MAPDA: variants seen among roughly 807,000 people sequenced by gnomAD.
The protein encoded by MAPDA is N6,N6-dimethyl-AMP deaminase.
chr15:43,346,642 T>A, the MAPDA span, among the ~76,000 whole-genome samples: 1 of 152,230 alleles, frequency 6.6e-6, no homozygotes, highest in African/African-American at 2.4e-5. Context: ...GCCCTTCTTT[T>A]TATCCACCTG....
At chr15:43,345,633 CTG>C in the MAPDA span, among the ~76,000 whole-genome samples, 1 of 152,164 alleles carries the variant, frequency 6.6e-6, no homozygotes, top group South Asian at 2.1e-4. Context: ...CGAAAGACAA[CTG>C]TAAATCTGAA....
chr15:43,351,183 G>A, the MAPDA span: 2 of 743,654 alleles, frequency 2.7e-6, no homozygotes, highest in Non-Finnish European at 4.4e-6. Context: ...GGGTGTGGCT[G>A]AGTATGGTGG....
At chr15:43,349,159 A>T in the MAPDA span, 11 of 1,520,980 alleles carry the variant, frequency 7.2e-6, no homozygotes, top group African/African-American at 1.5e-4. Flanking sequence ...TCATCTAGCT[A>T]TTAAAAGATG....
chr15:43,349,219 T>A, the MAPDA span: 1 of 1,415,434 alleles, frequency 7.1e-7, no homozygotes, highest in East Asian at 2.6e-5. Flanking sequence ...TTAGCTTCCA[T>A]TAGAATATAA....
chr15:43,347,225 A>G, the MAPDA span: 1 of 705,578 alleles, frequency 1.4e-6, no homozygotes, highest in South Asian at 2.0e-5. Flanking sequence ...AAATATTTTT[A>G]CATCTAAATT....
At chr15:43,336,709 G>A in the MAPDA span, 1 of 1,510,488 alleles carries the variant, frequency 6.6e-7, no homozygotes, top group Non-Finnish European at 8.9e-7. Context: ...GGAATTTTTA[G>A]AATGGTTTAA....
At chr15:43,343,001 T>G in the MAPDA span, 6 of 1,577,606 alleles carry the variant, frequency 3.8e-6, no homozygotes, top group African/African-American at 2.7e-5. Context: ...TAGGAATGAC[T>G]AAAAAGACTT....
chr15:43,338,418 G>A, the MAPDA span, among the ~76,000 whole-genome samples: 1 of 152,162 alleles, frequency 6.6e-6, no homozygotes, highest in Non-Finnish European at 1.5e-5. Context: ...ATTATTCTTA[G>A]GACTACTTTC....
At chr15:43,331,890 T>C in the MAPDA span, 1 of 152,226 alleles carries the variant, frequency 6.6e-6, no homozygotes, top group Non-Finnish European at 1.5e-5. Context: ...GTCTTTTGTT[T>C]TGTTTTCAGG....
chr15:43,343,166 A>C, the MAPDA span: 1 of 882,958 alleles, frequency 1.1e-6, no homozygotes, highest in Middle Eastern at 2.3e-4. Flanking sequence ...ATTTTTTAAA[A>C]TTAATCATTC....
chr15:43,346,283 A>G, the MAPDA span, among the ~76,000 whole-genome samples: 1 of 152,230 alleles, frequency 6.6e-6, no homozygotes, highest in African/African-American at 2.4e-5. Context: ...AATGTAATTC[A>G]TTACATACAA....
the MAPDA span, chr15:43,349,361 G>A: frequency 9.9e-7 from 1 of 1,008,446 alleles, no homozygotes; most frequent in East Asian, 5.3e-5. Context: ...AAATTGACAT[G>A]TGTTATGAAA....
the MAPDA span, chr15:43,351,255 G>A: frequency 2.0e-6 from 1 of 509,058 alleles, no homozygotes; most frequent in Non-Finnish European, 3.5e-6. Context: ...GAACCCAGGA[G>A]GAGGAGGTTG....
chr15:43,332,805 A>T, the MAPDA span, among the ~76,000 whole-genome samples: 1 of 152,136 alleles, frequency 6.6e-6, no homozygotes, highest in Non-Finnish European at 1.5e-5. Context: ...GGGAGACAGG[A>T]TACTTGCTTC....
the MAPDA span, among the ~76,000 whole-genome samples, chr15:43,343,929 A>G: frequency 6.6e-6 from 1 of 151,764 alleles, no homozygotes; most frequent in Non-Finnish European, 1.5e-5. Context: ...AAGACATACA[A>G]AGAGCTGGTA....
chr15:43,337,130 G>T, the MAPDA span, among the ~76,000 whole-genome samples: 2 of 149,644 alleles, frequency 1.3e-5, no homozygotes, highest in African/African-American at 5.0e-5. Flanking sequence ...AAAAAAATTA[G>T]CCGGGCATGG....
At chr15:43,352,633 G>C in the MAPDA span, 1 of 152,212 alleles carries the variant, frequency 6.6e-6, no homozygotes, top group African/African-American at 2.4e-5. Flanking sequence ...CTGATCCCAG[G>C]GATGTTTGAG....
At chr15:43,341,451 T>TGAA in the MAPDA span, among the ~76,000 whole-genome samples, 1 of 152,220 alleles carries the variant, frequency 6.6e-6, no homozygotes, top group Non-Finnish European at 1.5e-5. Context: ...AAAATACTGG[T>TGAA]GAAGACACTT....
chr15:43,338,672 T>C, the MAPDA span, among the ~76,000 whole-genome samples: 2 of 152,316 alleles, frequency 1.3e-5, no homozygotes, highest in South Asian at 2.1e-4. Context: ...GTCCAGCGCA[T>C]AGGAGAGGAA....
Sources: gnomAD v4.1 joint callset for allele counts (sites outside exome capture counted in the v4.1 genomes callset) on GRCh38, gnomAD v4.1.1 for gene constraint, MANE v1.5 for transcripts, NCBI Gene and HGNC (gene_info 2026-07-23, HGNC 2026-07-21) for gene names.